Variants in ZYG11B observed in about 807,000 individuals in gnomAD.
The protein encoded by ZYG11B is protein zyg-11 homolog B.
Under a neutral mutation model 82.4 loss-of-function variants are expected in ZYG11B, and 36 were observed. The ratio of observed to expected loss-of-function variants is 0.44; its 90% CI spans 0.33 to 0.58. ZYG11B has a LOEUF of 0.58. ZYG11B is among the 20% of genes least tolerant of loss of function. The pLI is 0.02. For synonymous variants in ZYG11B, 303 were observed against 312.8 expected (o/e 0.97, Z 0.33); for missense variants, 552 against 895.6 (o/e 0.62, Z 4.90).
At chr1:52,806,715 G>A (rs2149962439) in intron 10 of ZYG11B, among the ~76,000 whole-genome samples, 1 of 152,028 alleles carries the variant, frequency 6.6e-6, no homozygotes, top group African/African-American at 2.4e-5. Context: ...TATTTAAAAT[G>A]TATTTCTTGT....
intron 1 of ZYG11B, among the ~76,000 whole-genome samples, chr1:52,733,991 AT>A (rs917872658): frequency 1.3e-4 from 19 of 151,452 alleles, no homozygotes; most frequent in Middle Eastern, 3.2e-3. Context: ...AATAGACATA[AT>A]TTTTTTTTGT....
intron 12 of ZYG11B, among the ~76,000 whole-genome samples, chr1:52,814,530 C>G (rs955114377): frequency 3.9e-5 from 6 of 152,052 alleles, no homozygotes; most frequent in Non-Finnish European, 8.8e-5. Context: ...AGATAAAATA[C>G]CGTTATGCCA....
intron 1 of ZYG11B, among the ~76,000 whole-genome samples, chr1:52,748,926 C>T (rs942535838): frequency 1.3e-5 from 2 of 149,448 alleles, no homozygotes; most frequent in African/African-American, 4.9e-5. Context: ...AATGGCCGGG[C>T]GTGGTTGCTC....
intron 12 of ZYG11B, among the ~76,000 whole-genome samples, chr1:52,814,139 G>T (rs926700830): frequency 3.3e-5 from 5 of 152,092 alleles, no homozygotes; most frequent in Admixed American, 3.3e-4. Context: ...CCCTGCCTCA[G>T]CCTCCCGAGT....
chr1:52,817,791 A>ATATATATG (rs1645241847), intron 13 of ZYG11B, among the ~76,000 whole-genome samples: 1 of 37,814 alleles, frequency 2.6e-5, no homozygotes, highest in Admixed American at 2.6e-4. Context: ...ATATATATAT[A>ATATATATG]TATATATATA....
chr1:52,745,640 C>G (rs1041112696), intron 1 of ZYG11B, among the ~76,000 whole-genome samples: 4 of 142,218 alleles, frequency 2.8e-5, no homozygotes, highest in African/African-American at 1.1e-4. Flanking sequence ...TCTTGGCTCA[C>G]TGCAACCTCT....
chr1:52,817,290 A>C (rs1645233321), intron 13 of ZYG11B, among the ~76,000 whole-genome samples: 1 of 152,198 alleles, frequency 6.6e-6, no homozygotes, highest in Non-Finnish European at 1.5e-5. Flanking sequence ...TCATTCACCC[A>C]AAATTCTGTT....
chr1:52,806,828 T>G (rs1198119223), intron 10 of ZYG11B, among the ~76,000 whole-genome samples: 2 of 152,142 alleles, frequency 1.3e-5, no homozygotes, highest in Non-Finnish European at 2.9e-5. Flanking sequence ...TTTTTAAATT[T>G]TTTTAAATAA....
chr1:52,782,411 C>A (rs1271026902), intron 4 of ZYG11B, among the ~76,000 whole-genome samples: 1 of 151,886 alleles, frequency 6.6e-6, no homozygotes, highest in Admixed American at 6.6e-5. Context: ...GATACAAGAT[C>A]TAGCTGTATT....
chr1:52,821,625 A>G lies in ZYG11B; in HGVS notation c.2231A>G (p.Asn744Ser). 2 of 1,610,382 alleles carry G rather than the reference A, an allele frequency of 1.2e-6. No individual in the cohort carries two copies. The highest frequency in any genetic ancestry group is 1.7e-6 in the Non-Finnish European group (2 of 1,178,740). The change falls in exon 14 of 14, where the codon AAT becomes AGT. Residue 744 changes from asparagine to serine, a missense_variant. By Grantham distance (46) the Asn-to-Ser change is conservative. Transcript: ENST00000294353. Reference protein sequence around the residue: ...PCKKQPQARLN With the variant: ...PCKKQPQARLS ...AAAAAACAGCCCCAAGCCAGACTAAATTGATAGCCATAAGTATTGGATAGT... is the reference window on the plus strand; with the variant it reads ...AAAAAACAGCCCCAAGCCAGACTAAGTTGATAGCCATAAGTATTGGATAGT...
intron 1 of ZYG11B, among the ~76,000 whole-genome samples, chr1:52,755,063 C>T (rs780675186): frequency 3.0e-4 from 45 of 151,462 alleles, no homozygotes; most frequent in Non-Finnish European, 5.2e-4. Flanking sequence ...TGTGTTCACG[C>T]CATTCTCCTG....
intron 13 of ZYG11B, among the ~76,000 whole-genome samples, chr1:52,819,594 T>C (rs1488966918): frequency 6.6e-6 from 1 of 151,992 alleles, no homozygotes; most frequent in African/African-American, 2.4e-5. Context: ...GAGACCATCC[T>C]GGCTAACATG....
At chr1:52,764,756 T>G (rs1355216554) in intron 2 of ZYG11B, among the ~76,000 whole-genome samples, 3 of 152,050 alleles carry the variant, frequency 2.0e-5, no homozygotes, top group Non-Finnish European at 2.9e-5. Context: ...TTAAGAAGAA[T>G]AATAAAGGAA....
chr1:52,809,236 T>A (rs891712024), intron 10 of ZYG11B, among the ~76,000 whole-genome samples: 1 of 152,236 alleles, frequency 6.6e-6, no homozygotes, highest in East Asian at 1.9e-4. Flanking sequence ...TAAATACTTT[T>A]ATAATGTTGT....
Position 52,783,805 on chromosome 1 carries a change from T to TATATACAC in ZYG11B, c.1093-1071_1093-1070insTATACACA, listed in dbSNP as rs74185908. Among the ~76,000 whole-genome samples, 992 of 134,986 alleles carry TATATACAC rather than the reference T, an allele frequency of 7.3e-3. 22 individuals are homozygous for TATATACAC. The highest frequency in any genetic ancestry group is 0.025 in the African/African-American group (885 of 35,162). The allele number at this position is 134,986 out of a possible 152,430, so 88.6% of individuals were successfully genotyped here. A position where few individuals can be genotyped will look rare whatever the true frequency, so the allele number is the denominator to read the frequency against. The stretch of plus-strand genomic sequence containing the variant: ...GCCCAGCTTTATATATATATATATA[T>TATATACAC]ACACACACACGTATATGTATACATA... On this transcript the variant is annotated intron_variant, in intron 4 of 13. Coordinates refer to ENST00000294353, the MANE Select transcript of ZYG11B (RefSeq NM_024646.3).
At chr1:52,807,221 C>T (rs1218905930) in intron 10 of ZYG11B, among the ~76,000 whole-genome samples, 2 of 151,580 alleles carry the variant, frequency 1.3e-5, no homozygotes, top group African/African-American at 2.4e-5. Context: ...AGGCTGATCA[C>T]GAACTTCTGA....
Position 52,741,256 on chromosome 1 carries a change from C to G in ZYG11B, c.30+14573C>G, listed in dbSNP as rs1644427267. ...GAGGTTGCAGTGAGCCGAGATTGCA[C>G]CATTGCACTCCAGCCTGGGGCAAAA... On this transcript the variant is annotated intron_variant, in intron 1 of 13. Transcript: ENST00000294353. 2.1e-5 allele frequency among the ~76,000 whole-genome samples: 3 copies of G among 142,520 alleles called. No homozygotes were observed. In the South Asian group the frequency reaches 6.5e-4, roughly 31 times the overall value. The allele number at this position is 142,520 out of a possible 152,430, so 93.5% of individuals were successfully genotyped here.
At chr1:52,779,298 G>C (rs1408910334) in intron 3 of ZYG11B, among the ~76,000 whole-genome samples, 1 of 152,096 alleles carries the variant, frequency 6.6e-6, no homozygotes, top group East Asian at 1.9e-4. Context: ...TAAATATCTT[G>C]AGATCTATTT....
chr1:52,793,899 C>CCTTT (rs1011283884), intron 6 of ZYG11B, among the ~76,000 whole-genome samples: 1 of 104,732 alleles, frequency 9.5e-6, no homozygotes, highest in Admixed American at 1.1e-4. Flanking sequence ...TTCCTTCCTT[C>CCTTT]CTTTCTTTCC....
Sources: allele counts gnomAD v4.1 joint callset (sites outside exome capture counted in the v4.1 genomes callset), GRCh38; gene constraint gnomAD v4.1.1; transcripts MANE v1.5; gene names NCBI Gene and HGNC (gene_info 2026-07-23, HGNC 2026-07-21).